Variants in HS6ST3 observed in about 807,000 individuals in gnomAD.
HS6ST3 encodes the protein heparan-sulfate 6-O-sulfotransferase 3.
In HS6ST3, 12 loss-of-function variants were observed where a neutral mutation model predicts 36.7. That is an observed-to-expected ratio of 0.33 (90% CI 0.21 to 0.53). The LOEUF (loss-of-function observed/expected upper bound fraction) is 0.53. HS6ST3 is among the 20% of genes least tolerant of loss of function. The pLI, the probability that HS6ST3 is intolerant of heterozygous loss-of-function variation, is 0.95. For synonymous variants in HS6ST3, 240 were observed against 257.5 expected, an observed-to-expected ratio of 0.93 and a Z score of 0.65; for missense variants, 584 against 640.9, an observed-to-expected ratio of 0.91 and a Z score of 0.96.
At chr13:96,758,161 A>G (rs542447970) in intron 1 of HS6ST3, among the ~76,000 whole-genome samples, 54 of 151,822 alleles carry the variant, frequency 3.6e-4, no homozygotes, top group Admixed American at 1.4e-3. Context: ...TCTTGTGCCA[A>G]TTTTGAAAAG....
At chr13:96,533,462 C>T (rs1012909476) in intron 1 of HS6ST3, among the ~76,000 whole-genome samples, 6 of 152,202 alleles carry the variant, frequency 3.9e-5, no homozygotes, top group Non-Finnish European at 7.3e-5. Flanking sequence ...CATCTGTTTA[C>T]TCAGCACTAG....
chr13:96,625,982 G>A (rs900860129), intron 1 of HS6ST3, among the ~76,000 whole-genome samples: 1 of 149,158 alleles, frequency 6.7e-6, no homozygotes, highest in East Asian at 2.0e-4. Context: ...GACTACAGGC[G>A]CCTGCCACTA....
At chr13:96,128,078 A>C (rs1335568809) in intron 1 of HS6ST3, among the ~76,000 whole-genome samples, 1 of 152,198 alleles carries the variant, frequency 6.6e-6, no homozygotes, top group Non-Finnish European at 1.5e-5. Context: ...TCTGTTGTAC[A>C]CTTATCGAGT....
At chr13:96,289,609 A>G (rs902099732) in intron 1 of HS6ST3, among the ~76,000 whole-genome samples, 1 of 152,210 alleles carries the variant, frequency 6.6e-6, no homozygotes, top group African/African-American at 2.4e-5. Flanking sequence ...AATAAAATTC[A>G]AGAGGAAGAT....
At chr13:96,178,160 A>G (rs947048043) in intron 1 of HS6ST3, among the ~76,000 whole-genome samples, 1 of 152,192 alleles carries the variant, frequency 6.6e-6, no homozygotes, top group African/African-American at 2.4e-5. Flanking sequence ...CCACGAATTA[A>G]TACTTCTGAG....
Position 96,354,398 on chromosome 13 carries a change from G to A in HS6ST3, c.707+262829G>A, listed in dbSNP as rs9582044. Among the ~76,000 whole-genome samples, 1,067 of 152,166 alleles carry A rather than the reference G, an allele frequency of 7.0e-3. 9 individuals carry two copies. Among genetic ancestry groups the A allele is most frequent in the African/African-American group, 0.025 (1,021 of 41,512 alleles). On this transcript the variant is annotated intron_variant, in intron 1 of 1. Transcript: ENST00000376705. ...AACAGAGCTATTGAGAAGTAGGACT[G>A]GGGGGTCTTGAGTGGGAAAAAAAAT... is the stretch of plus-strand genomic sequence containing the variant.
chr13:96,479,871 C>A (rs1440241830), intron 1 of HS6ST3, among the ~76,000 whole-genome samples: 1 of 152,148 alleles, frequency 6.6e-6, no homozygotes, highest in South Asian at 2.1e-4. Flanking sequence ...GAGAACTCCT[C>A]AGCAAACACC....
rs1024842420 is a variant in HS6ST3 at position 96,090,725 on chromosome 13, C to T, written c.-138C>T. On this transcript the variant is annotated 5_prime_UTR_variant, in exon 1 of 2. Transcript: ENST00000376705. ...GGGCCGCGGGGCCGCCAGCCAGCCA[C>T]ACGCCTCGGCGTCAGGGGCATGGAG... The T allele has an allele frequency of 3.1e-5, 16 of 508,712 alleles. No individual in the cohort carries two copies. Among genetic ancestry groups the T allele is most frequent in the Non-Finnish European group, 4.2e-5 (15 of 353,898 alleles). The allele number at this position is 508,712 out of a possible 1,614,324, so 31.5% of individuals were successfully genotyped here. A position where few individuals can be genotyped will look rare whatever the true frequency, so the allele number is the denominator to read the frequency against.
chr13:96,199,210 G>GGC (rs2054329538), intron 1 of HS6ST3, among the ~76,000 whole-genome samples: 2 of 152,164 alleles, frequency 1.3e-5, no homozygotes, highest in Non-Finnish European at 2.9e-5. Context: ...GTTGAGATTT[G>GGC]AGTGGGGACA....
Position 96,722,712 on chromosome 13 carries a change from C to G in HS6ST3, c.708-109778C>G, listed in dbSNP as rs192732492. On this transcript the variant is annotated intron_variant, in intron 1 of 1. Transcript: ENST00000376705. ...TATATGTTGGCTGGGTGTGGTGGGT[C>G]ACACCTGTAATCCCAGAACTTTGGG... 1.1e-3 allele frequency among the ~76,000 whole-genome samples: 168 copies of G among 152,174 alleles called. 1 individual carries two copies. The highest frequency in any genetic ancestry group is 3.2e-3 in the Admixed American group (49 of 15,282).
chr13:96,705,940 C>T (rs914762903), intron 1 of HS6ST3, among the ~76,000 whole-genome samples: 1 of 152,200 alleles, frequency 6.6e-6, no homozygotes, highest in Non-Finnish European at 1.5e-5. Context: ...ACAACTCTCA[C>T]TGGCTCTCAT....
At chr13:96,490,950 C>T (rs537211602) in intron 1 of HS6ST3, among the ~76,000 whole-genome samples, 25 of 152,316 alleles carry the variant, frequency 1.6e-4, no homozygotes, top group African/African-American at 5.8e-4. Context: ...ACGCAAGAAC[C>T]TTTTCTGCTG....
chr13:96,577,259 TAC>T (rs1156425434), intron 1 of HS6ST3, among the ~76,000 whole-genome samples: 1 of 152,186 alleles, frequency 6.6e-6, no homozygotes, highest in African/African-American at 2.4e-5. Flanking sequence ...AGTGAGAACA[TAC>T]AGTGTTTGGT....
intron 1 of HS6ST3, among the ~76,000 whole-genome samples, chr13:96,534,552 A>G (rs2056147890): frequency 6.6e-6 from 1 of 152,240 alleles, no homozygotes; most frequent in African/African-American, 2.4e-5. Flanking sequence ...GTTAGCTTCC[A>G]TCATTGTCAT....
At chr13:96,204,044 G>C (rs937766534) in intron 1 of HS6ST3, among the ~76,000 whole-genome samples, 2 of 151,958 alleles carry the variant, frequency 1.3e-5, no homozygotes, top group Admixed American at 6.6e-5. Flanking sequence ...ACTATAAACT[G>C]TTATGTGACT....
At chr13:96,594,736 G>A (rs943939660) in intron 1 of HS6ST3, among the ~76,000 whole-genome samples, 7 of 151,826 alleles carry the variant, frequency 4.6e-5, no homozygotes, top group Non-Finnish European at 8.8e-5. Flanking sequence ...TTTAACCTTT[G>A]TACTAAAGGT....
At chr13:96,311,851 G>A (rs974730263) in intron 1 of HS6ST3, among the ~76,000 whole-genome samples, 1 of 152,176 alleles carries the variant, frequency 6.6e-6, no homozygotes, top group African/African-American at 2.4e-5. Context: ...TTGTGGAGAA[G>A]AATGAGCTTC....
intron 1 of HS6ST3, among the ~76,000 whole-genome samples, chr13:96,765,060 C>CTTTTTTTT (rs11423735): frequency 6.4e-5 from 6 of 93,902 alleles, no homozygotes; most frequent in African/African-American, 1.3e-4. Context: ...TTGTTTCTTT[C>CTTTTTTTT]TTTTTTTTTT....
intron 1 of HS6ST3, among the ~76,000 whole-genome samples, chr13:96,747,661 A>AAT (rs1031992308): frequency 3.3e-5 from 5 of 151,984 alleles, no homozygotes; most frequent in Admixed American, 1.3e-4. Flanking sequence ...TCTAGCTACT[A>AAT]ATATATATAT....
Sources: gnomAD v4.1 joint callset for allele counts (sites outside exome capture counted in the v4.1 genomes callset) on GRCh38, gnomAD v4.1.1 for gene constraint, MANE v1.5 for transcripts, NCBI Gene and HGNC (gene_info 2026-07-23, HGNC 2026-07-21) for gene names.